Variants in HYCC2 observed in about 807,000 individuals in gnomAD.
HYCC2 encodes the protein hyccin PI4KA lipid kinase complex subunit 2, also known as hyccin 2.
At chr2:201,071,077 G>C in the HYCC2 span, among the ~76,000 whole-genome samples, 188 of 152,254 alleles carry the variant, frequency 1.2e-3, no homozygotes, top group African/African-American at 4.3e-3. Flanking sequence ...CTCCCAGGAG[G>C]GACAACCTAG....
the HYCC2 span, among the ~76,000 whole-genome samples, chr2:201,036,513 C>G: frequency 1.3e-5 from 2 of 152,116 alleles, no homozygotes; most frequent in Non-Finnish European, 2.9e-5. Context: ...ACTGGCAAAC[C>G]GAATCCAGCA....
the HYCC2 span, among the ~76,000 whole-genome samples, chr2:201,020,067 G>A: frequency 6.6e-6 from 1 of 152,232 alleles, no homozygotes. Flanking sequence ...ATGGGAGAGA[G>A]AGTGAGACCC....
the HYCC2 span, among the ~76,000 whole-genome samples, chr2:200,993,622 T>A: frequency 6.6e-6 from 1 of 151,660 alleles, no homozygotes; most frequent in African/African-American, 2.4e-5. Context: ...TCTTGGGAAA[T>A]TTTTTTTTAA....
At chr2:201,063,298 A>C in the HYCC2 span, 4 of 1,536,048 alleles carry the variant, frequency 2.6e-6, no homozygotes, top group South Asian at 3.3e-5. Context: ...AGGTGGAGGC[A>C]GCTATGAATG....
At chr2:201,012,678 C>T in the HYCC2 span, among the ~76,000 whole-genome samples, 3 of 152,128 alleles carry the variant, frequency 2.0e-5, no homozygotes, top group African/African-American at 7.2e-5. Flanking sequence ...GGCGTGGTGG[C>T]TCACGCCTGT....
At chr2:201,016,331 C>T in the HYCC2 span, among the ~76,000 whole-genome samples, 1 of 152,150 alleles carries the variant, frequency 6.6e-6, no homozygotes, top group Non-Finnish European at 1.5e-5. Context: ...CTCTCTTGCC[C>T]AGGCTTGAGC....
At chr2:201,042,451 C>A in the HYCC2 span, among the ~76,000 whole-genome samples, 1 of 151,540 alleles carries the variant, frequency 6.6e-6, no homozygotes, top group African/African-American at 2.4e-5. Flanking sequence ...TCTGCCCCAC[C>A]GCCCCGTCTG....
the HYCC2 span, chr2:201,063,056 A>C: frequency 6.2e-7 from 1 of 1,607,304 alleles, no homozygotes; most frequent in East Asian, 2.2e-5. Context: ...CCGCCGAAGA[A>C]GCATCGTTAA....
At chr2:201,026,683 T>C in the HYCC2 span, among the ~76,000 whole-genome samples, 1 of 152,076 alleles carries the variant, frequency 6.6e-6, no homozygotes, top group Non-Finnish European at 1.5e-5. Context: ...CACAACTACA[T>C]GGAAAGTGAA....
At chr2:201,004,502 A>G in the HYCC2 span, among the ~76,000 whole-genome samples, 1 of 152,226 alleles carries the variant, frequency 6.6e-6, no homozygotes, top group African/African-American at 2.4e-5. Flanking sequence ...TATGGGGCAG[A>G]TTCCTCTGGG....
chr2:201,054,248 T>C, the HYCC2 span, among the ~76,000 whole-genome samples: 1 of 152,224 alleles, frequency 6.6e-6, no homozygotes. Context: ...GGGAGAGGAT[T>C]CTTGCAAGCT....
the HYCC2 span, chr2:200,979,281 A>C: frequency 1.3e-5 from 2 of 152,240 alleles, no homozygotes; most frequent in Non-Finnish European, 2.9e-5. Flanking sequence ...ACACACACAC[A>C]CACACACACA....
the HYCC2 span, among the ~76,000 whole-genome samples, chr2:201,012,889 G>A: frequency 2.0e-5 from 3 of 150,336 alleles, no homozygotes; most frequent in East Asian, 5.9e-4. Context: ...AGGTTGCAGT[G>A]AGCCGAGATC....
chr2:201,053,927 G>A, the HYCC2 span, among the ~76,000 whole-genome samples: 1 of 152,164 alleles, frequency 6.6e-6, no homozygotes, highest in South Asian at 2.1e-4. Context: ...TTGCACCACT[G>A]TACTTGATCC....
chr2:201,006,364 C>T, the HYCC2 span, among the ~76,000 whole-genome samples: 1 of 148,576 alleles, frequency 6.7e-6, no homozygotes, highest in Non-Finnish European at 1.5e-5. Context: ...TGGTTTTGAA[C>T]TCCTGACCTC....
At chr2:200,982,914 C>T in the HYCC2 span, among the ~76,000 whole-genome samples, 9 of 152,228 alleles carry the variant, frequency 5.9e-5, no homozygotes, top group South Asian at 2.1e-4. Context: ...TGTGTCACCA[C>T]GCCCAGCTAA....
the HYCC2 span, among the ~76,000 whole-genome samples, chr2:201,032,527 G>C: frequency 6.6e-6 from 1 of 151,956 alleles, no homozygotes; most frequent in African/African-American, 2.4e-5. Context: ...ATATGTCTTA[G>C]TATAAATTTT....
At chr2:201,007,074 G>A in the HYCC2 span, among the ~76,000 whole-genome samples, 1 of 152,072 alleles carries the variant, frequency 6.6e-6, no homozygotes, top group South Asian at 2.1e-4. Context: ...CAAATGTTAG[G>A]CATATTCATA....
At chr2:201,042,639 AGCC>A in the HYCC2 span, among the ~76,000 whole-genome samples, 2 of 144,368 alleles carry the variant, frequency 1.4e-5, no homozygotes, top group Non-Finnish European at 3.0e-5. Flanking sequence ...TCCGCCTGGC[AGCC>A]GCCCCATCCG....
Sources: gnomAD v4.1 joint callset for allele counts (sites outside exome capture counted in the v4.1 genomes callset) on GRCh38, gnomAD v4.1.1 for gene constraint, MANE v1.5 for transcripts, NCBI Gene and HGNC (gene_info 2026-07-23, HGNC 2026-07-21) for gene names.